Variants in CABIN1 observed in about 807,000 individuals in gnomAD.
The protein encoded by CABIN1 is calcineurin-binding protein cabin-1.
Under a neutral mutation model 227.7 loss-of-function variants are expected in CABIN1, and 133 were observed. That is an observed-to-expected ratio of 0.58 (90% CI 0.51 to 0.67). The LOEUF (loss-of-function observed/expected upper bound fraction) is 0.67. CABIN1 is among the 30% of genes least tolerant of loss of function. The pLI, the probability that CABIN1 is intolerant of heterozygous loss-of-function variation, is 0.00. For synonymous variants in CABIN1, 1,086 were observed against 1,155.1 expected (o/e 0.94, Z 1.21); for missense variants, 2,408 against 2,852.5 (o/e 0.84, Z 3.55).
chr22:24,040,414 A>G (rs1218098097), intron 4 of CABIN1, among the ~76,000 whole-genome samples: 1 of 152,216 alleles, frequency 6.6e-6, no homozygotes, highest in Non-Finnish European at 1.5e-5. Flanking sequence ...GCCCCAGGAA[A>G]GAGCTTCTTG....
intron 1 of CABIN1, among the ~76,000 whole-genome samples, chr22:24,021,944 C>G (rs1421382613): frequency 6.6e-6 from 1 of 152,180 alleles, no homozygotes; most frequent in Non-Finnish European, 1.5e-5. Flanking sequence ...CTTGGCCTCC[C>G]AAAGTGCTGG....
intron 4 of CABIN1, among the ~76,000 whole-genome samples, chr22:24,039,511 G>A (rs535314615): frequency 6.6e-6 from 1 of 152,342 alleles, no homozygotes; most frequent in South Asian, 2.1e-4. Flanking sequence ...TTAGTAGGAA[G>A]TGGGTGAGGA....
chr22:24,055,393 A>G (rs1052860009), intron 9 of CABIN1, among the ~76,000 whole-genome samples: 22 of 152,258 alleles, frequency 1.4e-4, no homozygotes, highest in African/African-American at 4.8e-4. Flanking sequence ...ACGGGGGATC[A>G]GGGATGCAGC....
At chr22:24,106,639 G>A (rs990207995) in intron 26 of CABIN1, among the ~76,000 whole-genome samples, 1 of 152,192 alleles carries the variant, frequency 6.6e-6, no homozygotes, top group Non-Finnish European at 1.5e-5. Context: ...GCTCTGCGAT[G>A]TTCCTGGCAA....
intron 26 of CABIN1, among the ~76,000 whole-genome samples, chr22:24,106,967 C>T (rs571574437): frequency 1.4e-4 from 21 of 152,304 alleles, no homozygotes; most frequent in African/African-American, 4.6e-4. Flanking sequence ...CCCTTTCAGA[C>T]ACACAAGATC....
rs992573472 is a variant in CABIN1 at position 24,091,837 on chromosome 22, C to A, written c.3780C>A (p.Ala1260=). 5.6e-6 allele frequency: 9 copies of A among 1,613,194 alleles called. No individual in the cohort carries two copies. The highest frequency in any genetic ancestry group is 1.7e-5 in the Admixed American group (1 of 60,000). Residue 1260 remains alanine, a synonymous_variant, in exon 24 of 37, where the codon GCC becomes GCA. Coordinates refer to ENST00000263119, the MANE Select transcript of CABIN1 (RefSeq NM_012295.4). The part of the protein sequence containing the change: ...YHNPPELAME[A]LEVYFRLHAS... The stretch of plus-strand genomic sequence containing the variant: ...ACCCACCTGAGCTGGCCATGGAGGC[C>A]CTGGAGGTGACACCATGCTGGCCCA...
intron 1 of CABIN1, among the ~76,000 whole-genome samples, chr22:24,013,568 C>T (rs2035008480): frequency 6.6e-6 from 1 of 152,182 alleles, no homozygotes; most frequent in African/African-American, 2.4e-5. Flanking sequence ...TCTGTTATGT[C>T]CTTCACCCTG....
At chr22:24,063,377 C>G (rs1046625149) in intron 14 of CABIN1, among the ~76,000 whole-genome samples, 6 of 152,196 alleles carry the variant, frequency 3.9e-5, no homozygotes, top group African/African-American at 1.4e-4. Context: ...CTGTAAAGCT[C>G]TTTAGCATAA....
At chr22:24,150,374 A>G (rs1244726011) in intron 29 of CABIN1, among the ~76,000 whole-genome samples, 2 of 152,194 alleles carry the variant, frequency 1.3e-5, no homozygotes, top group African/African-American at 4.8e-5. Context: ...ACTCAGTAGA[A>G]GGCATTCCAG....
At position 24,041,235 on chromosome 22, in the gene CABIN1, C is replaced by T. The variant is rs751955438; in HGVS notation, c.307C>T (p.Arg103Trp). Residue 103 changes from arginine (R) to tryptophan (W), a missense_variant, in exon 5 of 37, where the codon CGG becomes TGG. Coordinates refer to ENST00000263119, the MANE Select transcript of CABIN1 (RefSeq NM_012295.4). Reference protein sequence around the residue: ...YKNLAQLAAQREDLETAMEFY... With the variant: ...YKNLAQLAAQWEDLETAMEFY... The stretch of plus-strand genomic sequence containing the variant: ...GAACTTGGCCCAGCTGGCAGCCCAG[C>T]GGGAGGATCTGGAGACAGCCATGGA... 1.3e-5 allele frequency: 21 copies of T among 1,614,016 alleles called. No homozygotes were observed. Among genetic ancestry groups the T allele is most frequent in the South Asian group, 2.2e-5 (2 of 91,082 alleles).
chr22:24,024,846 T>A (rs1468502573), intron 1 of CABIN1, among the ~76,000 whole-genome samples: 1 of 152,222 alleles, frequency 6.6e-6, no homozygotes, highest in African/African-American at 2.4e-5. Context: ...GTTTGATTTC[T>A]TTTTAGAATT....
rs960860796 is a variant in CABIN1 at position 24,036,155 on chromosome 22, C to G, written c.70C>G (p.His24Asp). The change falls in exon 3 of 37, where the codon CAC becomes GAC. Residue 24 changes from histidine (H) to aspartate (D), a missense_variant. His to Asp is a moderately conservative substitution (Grantham distance 81). Transcript: ENST00000263119. ...EDDHEGSFKS[H>D]KTQTKEAQEA... is the part of the protein sequence containing the mutation. ...TGATCATGAAGGAAGCTTTAAAAGTCACAAAACCCAGACAAAGGAGGCTCA... is the reference window on the plus strand; with the variant it reads ...TGATCATGAAGGAAGCTTTAAAAGTGACAAAACCCAGACAAAGGAGGCTCA... 2.7e-5 allele frequency: 44 copies of G among 1,613,466 alleles called. 2 individuals carry two copies. Among genetic ancestry groups the G allele is most frequent in the Non-Finnish European group, 8.5e-7 (1 of 1,179,620 alleles).
intron 1 of CABIN1, among the ~76,000 whole-genome samples, chr22:24,018,310 T>G (rs1392576043): frequency 6.6e-6 from 1 of 152,218 alleles, no homozygotes; most frequent in East Asian, 1.9e-4. Flanking sequence ...TAAATTTTTA[T>G]GTAGTTAAAT....
intron 14 of CABIN1, 98 bp downstream of exon 14, chr22:24,063,244 G>C (rs1569150598): frequency 1.7e-6 from 2 of 1,191,628 alleles, no homozygotes; most frequent in Non-Finnish European, 2.5e-6. Context: ...GTATGTGTGT[G>C]TGTGTGTGTG....
At chr22:24,089,191 A>G (rs563362764) in intron 23 of CABIN1, among the ~76,000 whole-genome samples, 7 of 152,336 alleles carry the variant, frequency 4.6e-5, no homozygotes, top group African/African-American at 1.7e-4. Flanking sequence ...TTTCCAGGAA[A>G]TAAATAGGGT....
Position 24,087,663 on chromosome 22 carries a change from C to T in CABIN1, c.3475C>T (p.Arg1159Cys), listed in dbSNP as rs369805326. The change falls in exon 23 of 37, where the codon CGT (arginine) becomes TGT (cysteine). Residue 1159 changes from arginine to cysteine, a missense_variant. Physicochemically the swap from Arg to Cys is radical, Grantham distance 180. Coordinates refer to ENST00000263119, the MANE Select transcript of CABIN1 (RefSeq NM_012295.4). The part of the protein sequence containing the change: ...MSYALHSFAS[R>C]QLKQWRGELP... ...CTATGCCTTGCACTCATTCGCCTCACGTCAATTGAAGCAGTGGAGAGGCGA... is the reference window on the plus strand; with the variant it reads ...CTATGCCTTGCACTCATTCGCCTCATGTCAATTGAAGCAGTGGAGAGGCGA... 1.5e-5 allele frequency: 24 copies of T among 1,614,088 alleles called. No individual in the cohort carries two copies. Among genetic ancestry groups the T allele is most frequent in the Non-Finnish European group, 1.4e-5 (17 of 1,180,050 alleles).
chr22:24,158,177 C>A (rs2148585881), intron 29 of CABIN1, among the ~76,000 whole-genome samples: 1 of 152,298 alleles, frequency 6.6e-6, no homozygotes. Context: ...CTCCAGGAAG[C>A]CTTGCCCACC....
intron 28 of CABIN1, among the ~76,000 whole-genome samples, chr22:24,132,518 C>T (rs2044136177): frequency 6.6e-6 from 1 of 152,130 alleles, no homozygotes; most frequent in African/African-American, 2.4e-5. Flanking sequence ...AATGAGTGGC[C>T]CGGGAAGCAG....
chr22:24,033,964 C>T (rs1201763056), intron 1 of CABIN1, among the ~76,000 whole-genome samples: 2 of 152,178 alleles, frequency 1.3e-5, no homozygotes, highest in African/African-American at 2.4e-5. Flanking sequence ...CCATTTGGCA[C>T]CAGGGACTGG....
Sources: gnomAD v4.1 joint callset for allele counts (sites outside exome capture counted in the v4.1 genomes callset) on GRCh38, gnomAD v4.1.1 for gene constraint, MANE v1.5 for transcripts, NCBI Gene and HGNC (gene_info 2026-07-23, HGNC 2026-07-21) for gene names.